The following KANSL1L variants were observed in gnomAD, a reference collection of about 807,000 sequenced individuals.
The protein encoded by KANSL1L is KAT8 regulatory NSL complex subunit 1-like protein.
A neutral mutation model predicts 108.6 loss-of-function variants in KANSL1L; 25 were observed. The observed-to-expected ratio is 0.23, with a 90% confidence interval of 0.17 to 0.32. The LOEUF is 0.32. KANSL1L is among the 10% of genes least tolerant of loss of function. The pLI is 1.00. For synonymous variants in KANSL1L, 405 were observed against 395.1 expected (o/e 1.03, Z -0.30); for missense variants, 1,137 against 1,125.7 (o/e 1.01, Z -0.14).
At chr2:210,166,397 T>G (rs1687964865) in intron 1 of KANSL1L, among the ~76,000 whole-genome samples, 1 of 152,100 alleles carries the variant, frequency 6.6e-6, no homozygotes. Context: ...TCAAAAAATT[T>G]TTGACAAACT....
intron 6 of KANSL1L, among the ~76,000 whole-genome samples, chr2:210,049,090 G>A (rs898879614): frequency 5.3e-5 from 8 of 152,034 alleles, no homozygotes; most frequent in South Asian, 2.1e-4. Flanking sequence ...GTCTATAGCC[G>A]GCCATTGGAG....
chr2:210,103,199 G>C (rs371534869), intron 4 of KANSL1L, among the ~76,000 whole-genome samples: 8 of 151,884 alleles, frequency 5.3e-5, no homozygotes, highest in African/African-American at 1.5e-4. Context: ...CCATCATTCT[G>C]AGCAAACTAT....
In KANSL1L at chr2:210,154,139, A is replaced by T. The variant is rs1303405189; in HGVS notation, c.444T>A (p.Asp148Glu). The change falls in exon 2 of 15, where the codon GAT (aspartate) becomes GAA (glutamate). Residue 148 changes from aspartate to glutamate, a missense_variant. Asp to Glu is a conservative substitution (Grantham distance 45). Transcript: ENST00000281772. ...LSDTTSQCMK[D>E]VQIILDSNIT... ...TATTTGAATCCAGAATAATTTGTAC[A>T]TCTTTCATGCACTGGCTCGTGGTAT... 6.2e-7 allele frequency: 1 copy of T among 1,614,134 alleles called. No individual in the cohort carries two copies. The highest frequency in any genetic ancestry group is 8.5e-7 in the Non-Finnish European group (1 of 1,179,978).
chr2:210,052,002 T>C (rs1304979942), intron 6 of KANSL1L, among the ~76,000 whole-genome samples: 1 of 137,642 alleles, frequency 7.3e-6, no homozygotes, highest in Non-Finnish European at 1.6e-5. Context: ...TCTTCTTTCC[T>C]TTTTTTTTTT....
chr2:210,163,644 C>T (rs1318198911), intron 1 of KANSL1L, among the ~76,000 whole-genome samples: 1 of 152,006 alleles, frequency 6.6e-6, no homozygotes, highest in African/African-American at 2.4e-5. Flanking sequence ...AGACACCAAA[C>T]CACATATCCA....
At chr2:210,042,775 T>C (rs79050660) in intron 7 of KANSL1L, among the ~76,000 whole-genome samples, 2,295 of 152,290 alleles carry the variant, frequency 0.015, 68 homozygotes, top group African/African-American at 0.053. Context: ...TCCTCAAATA[T>C]AGAATAAAAT....
chr2:210,057,558 G>A (rs573940303), intron 6 of KANSL1L, among the ~76,000 whole-genome samples: 51 of 152,168 alleles, frequency 3.4e-4, no homozygotes, highest in South Asian at 1.0e-3. Context: ...AAAATTAGCC[G>A]GGCGTGGTGG....
At chr2:210,045,266 C>T (rs2094211592) in intron 6 of KANSL1L, among the ~76,000 whole-genome samples, 1 of 151,570 alleles carries the variant, frequency 6.6e-6, no homozygotes, top group Non-Finnish European at 1.5e-5. Flanking sequence ...TAAATTTTTC[C>T]CATCTCTTAA....
chr2:210,170,895 T>A (rs866430062), intron 1 of KANSL1L, among the ~76,000 whole-genome samples: 1 of 17,654 alleles, frequency 5.7e-5, no homozygotes, highest in Admixed American at 7.7e-4. Context: ...CCTAGACCCC[T>A]TCCCTCCCCA....
At chr2:210,156,472 T>C (rs1457903329) in intron 1 of KANSL1L, among the ~76,000 whole-genome samples, 1 of 152,054 alleles carries the variant, frequency 6.6e-6, no homozygotes, top group African/African-American at 2.4e-5. Flanking sequence ...TGGAATACTA[T>C]ATTGCCATTA....
chr2:210,026,831 T>G (rs1451071116), intron 12 of KANSL1L, among the ~76,000 whole-genome samples: 1 of 152,158 alleles, frequency 6.6e-6, no homozygotes, highest in Non-Finnish European at 1.5e-5. Context: ...AGTGCAGTGG[T>G]GCGATCTCGG....
chr2:210,146,356 T>G (rs1435493312), intron 2 of KANSL1L, among the ~76,000 whole-genome samples: 1 of 152,200 alleles, frequency 6.6e-6, no homozygotes, highest in East Asian at 1.9e-4. Flanking sequence ...AAGACTGGTA[T>G]CTCCTACTCG....
Position 210,098,121 on chromosome 2 carries a change from AC to A in KANSL1L, c.1514del (p.Cys505LeufsTer18). ...TGCCATTAGCCAGACATTTATGGCT[AC>A]AGGATTTGGAAGAGAGGGGTGATGA... ...PTSSPLSSKS[C>X]SHKCLANGIY... is the part of the protein sequence containing the mutation. On this transcript the variant is annotated frameshift_variant, in exon 5 of 15. Transcript: ENST00000281772. LOFTEE classifies it high-confidence loss of function. 1.9e-6 allele frequency: 3 copies of A among 1,611,098 alleles called. No individual in the cohort carries two copies. Among genetic ancestry groups the A allele is most frequent in the Non-Finnish European group, 2.5e-6 (3 of 1,178,550 alleles).
intron 3 of KANSL1L, among the ~76,000 whole-genome samples, chr2:210,105,422 G>A (rs1025405365): frequency 2.1e-4 from 31 of 147,860 alleles, no homozygotes; most frequent in Admixed American, 8.8e-4. Context: ...CTATAGGCTA[G>A]TTGGAAAATT....
At chr2:210,043,491 A>G (rs372240512) in intron 7 of KANSL1L, 2 of 153,966 alleles carry the variant, frequency 1.3e-5, no homozygotes, top group African/African-American at 4.8e-5. Flanking sequence ...GACTATACTT[A>G]TAGGTACGCA....
chr2:210,028,749 A>C, intron 11 of KANSL1L, 96 bp downstream of exon 11: 1 of 909,772 alleles, frequency 1.1e-6, no homozygotes, highest in Non-Finnish European at 1.6e-6. Context: ...AACTGGGAGA[A>C]GGATGCTCCT....
chr2:210,085,145 T>C (rs758374526), intron 5 of KANSL1L, among the ~76,000 whole-genome samples: 3 of 152,196 alleles, frequency 2.0e-5, no homozygotes, highest in Admixed American at 6.5e-5. Context: ...GTGGTAGGTA[T>C]GTTAAAAGGC....
rs1001872350 is a variant in KANSL1L at position 210,077,195 on chromosome 2, C to T, written c.1551-1439G>A. 4.6e-5 allele frequency among the ~76,000 whole-genome samples: 7 copies of T among 151,922 alleles called. No homozygotes were observed. The East Asian group carries it at 7.8e-4, about 17-fold the overall frequency. The stretch of plus-strand genomic sequence containing the variant: ...GTGACTATCATACATTCAACAAATA[C>T]GTAATTGATTATGCACTACTGGCCA... On this transcript the variant is annotated intron_variant, in intron 5 of 14. Transcript: ENST00000281772.
chr2:210,147,542 T>A (rs1345973065), intron 2 of KANSL1L, among the ~76,000 whole-genome samples: 1 of 152,194 alleles, frequency 6.6e-6, no homozygotes, highest in Admixed American at 6.5e-5. Context: ...GCCCTTTACT[T>A]CCATTCCACT....
Sources: allele counts gnomAD v4.1 joint callset (sites outside exome capture counted in the v4.1 genomes callset), GRCh38; gene constraint gnomAD v4.1.1; transcripts MANE v1.5; gene names NCBI Gene and HGNC (gene_info 2026-07-23, HGNC 2026-07-21).